Variants in WAC observed in about 807,000 individuals in gnomAD.
WAC encodes the protein WW domain-containing adapter protein with coiled-coil.
WAC carries 11 observed loss-of-function variants against 79.6 expected under a neutral mutation model. The ratio of observed to expected loss-of-function variants is 0.14; its 90% CI spans 0.09 to 0.23. The LOEUF (loss-of-function observed/expected upper bound fraction) is 0.23, where lower values mean the gene tolerates loss of function less well. Among genes scored for constraint, WAC ranks in the 10% least tolerant of loss-of-function variants. The probability of loss-of-function intolerance (pLI) is 1.00; values close to 1 mark genes in which losing one functional copy is unlikely to be tolerated. For synonymous variants in WAC, 304 were observed against 276.9 expected (o/e 1.10, Z -0.97); for missense variants, 728 against 773.5 (o/e 0.94, Z 0.70).
At chr10:28,594,129 C>G (rs888748902) in intron 6 of WAC, among the ~76,000 whole-genome samples, 1 of 152,170 alleles carries the variant, frequency 6.6e-6, no homozygotes, top group South Asian at 2.1e-4. Flanking sequence ...AAAGCTGTTA[C>G]AGCTATAGCG....
chr10:28,619,559 A>T lies in WAC; in HGVS notation c.1897A>T (p.Ile633Phe). The T allele has an allele frequency of 6.3e-7, 1 of 1,587,398 alleles. No individual in the cohort carries two copies. The highest frequency in any genetic ancestry group is 8.5e-7 in the Non-Finnish European group (1 of 1,173,076). Residue 633 changes from isoleucine (I) to phenylalanine (F), a missense_variant, in exon 14 of 14, where the codon ATT (isoleucine) becomes TTT (phenylalanine). By Grantham distance (21) the Ile-to-Phe change is conservative. Around this residue, in one of 3 missense-constraint regions of WAC, gnomAD observed 66 missense variants for 78.9 expected, o/e 0.84. Transcript: ENST00000354911. ...EQRILFLRQQIKELEKLKNQN... is the reference protein window; with the variant it reads ...EQRILFLRQQFKELEKLKNQN... The stretch of plus-strand genomic sequence containing the variant: ...CAGGATACTATTTTTGAGACAACAA[A>T]TTAAGGAACTTGAAAAGCTAAAAAA...
In WAC at chr10:28,610,841, A is replaced by C. The variant is rs772077840; in HGVS notation, c.1288+20A>C. The stretch of plus-strand genomic sequence containing the variant: ...CACAAGGTATTCTTACTCATCTTAG[A>C]TATCTCTAGAATGGCATCTTGATTT... On this transcript the variant is annotated intron_variant, in intron 9 of 13. Transcript: ENST00000354911. The C allele has an allele frequency of 6.3e-7, 1 of 1,580,460 alleles. No individual in the cohort carries two copies. The highest frequency in any genetic ancestry group is 1.2e-5 in the South Asian group (1 of 83,462).
chr10:28,563,392 T>C (rs867656470), intron 3 of WAC, among the ~76,000 whole-genome samples: 3 of 152,334 alleles, frequency 2.0e-5, no homozygotes, highest in Middle Eastern at 3.4e-3. Context: ...TTCTCTATTT[T>C]AGGAAATATT....
At chr10:28,584,282 TA>T (rs1289636852) in intron 4 of WAC, among the ~76,000 whole-genome samples, 1 of 152,092 alleles carries the variant, frequency 6.6e-6, no homozygotes, top group African/African-American at 2.4e-5. Context: ...ACTTGGGCAG[TA>T]AAAGAGCTCT....
chr10:28,579,285 T>G (rs549449298), intron 3 of WAC, among the ~76,000 whole-genome samples: 1 of 152,170 alleles, frequency 6.6e-6, no homozygotes, highest in East Asian at 1.9e-4. Flanking sequence ...TTTTGGATCA[T>G]TGTGTGACCC....
chr10:28,536,335 A>G (rs892937595), intron 3 of WAC, among the ~76,000 whole-genome samples: 1 of 152,178 alleles, frequency 6.6e-6, no homozygotes, highest in Non-Finnish European at 1.5e-5. Context: ...AAGGATGGGA[A>G]AAATGCAGGA....
At chr10:28,559,136 A>ATGGGTGTGTGTGTG (rs1838163554) in intron 3 of WAC, among the ~76,000 whole-genome samples, 1 of 146,660 alleles carries the variant, frequency 6.8e-6, no homozygotes, top group Admixed American at 6.8e-5. Context: ...GAGAAACCTG[A>ATGGGTGTGTGTGTG]TGTGTGTGTG....
rs554769267 is a variant in WAC, at chr10:28,575,244, C to G, written c.275-8155C>G. Among the ~76,000 whole-genome samples the G allele has an allele frequency of 3.5e-4, 53 of 152,286 alleles. No individual in the cohort carries two copies. In the East Asian group the frequency reaches 6.7e-3, roughly 19 times the overall value. On this transcript the variant is annotated intron_variant, in intron 3 of 13. Transcript: ENST00000354911. The stretch of plus-strand genomic sequence containing the variant: ...TAGTGCCCAACAGTTAGTTTTTCAA[C>G]CCTTATCTCCTCCTTTCCTCCCCTT...
chr10:28,592,179 A>T (rs1334855515), intron 6 of WAC, among the ~76,000 whole-genome samples: 1 of 152,224 alleles, frequency 6.6e-6, no homozygotes, highest in Admixed American at 6.5e-5. Context: ...TGGAAGAATT[A>T]GATTCTAGTC....
At chr10:28,605,255 A>G (rs574151211) in intron 7 of WAC, among the ~76,000 whole-genome samples, 1 of 152,254 alleles carries the variant, frequency 6.6e-6, no homozygotes, top group South Asian at 2.1e-4. Flanking sequence ...GGAACCTTGG[A>G]GGTTCTCCAG....
chr10:28,534,202 C>A (rs750380219), intron 2 of WAC, 168 bp downstream of exon 2: 1 of 582,172 alleles, frequency 1.7e-6, no homozygotes, highest in Non-Finnish European at 2.9e-6. Flanking sequence ...CTTTAGCGCT[C>A]TCCAGCAAGG....
chr10:28,605,546 T>C (rs1373934143), intron 7 of WAC, among the ~76,000 whole-genome samples: 1 of 152,186 alleles, frequency 6.6e-6, no homozygotes, highest in Non-Finnish European at 1.5e-5. Context: ...AATCAACTGG[T>C]TTCCACACTA....
chr10:28,607,500 T>C (rs928803943), intron 7 of WAC, among the ~76,000 whole-genome samples: 51 of 152,224 alleles, frequency 3.4e-4, no homozygotes, highest in African/African-American at 1.2e-3. Context: ...ATTTTATACA[T>C]CCTTTATTTC....
At chr10:28,579,308 A>G (rs1589189807) in intron 3 of WAC, among the ~76,000 whole-genome samples, 1 of 152,146 alleles carries the variant, frequency 6.6e-6, no homozygotes, top group East Asian at 1.9e-4. Flanking sequence ...TGTGTGACCC[A>G]ATGAAGCAAT....
intron 3 of WAC, among the ~76,000 whole-genome samples, chr10:28,576,546 T>G (rs1839254805): frequency 6.6e-6 from 1 of 152,238 alleles, no homozygotes; most frequent in Non-Finnish European, 1.5e-5. Flanking sequence ...AAACTAAAGT[T>G]GTATTGGTTC....
intron 3 of WAC, among the ~76,000 whole-genome samples, chr10:28,540,184 C>T (rs1836932615): frequency 6.6e-6 from 1 of 151,922 alleles, no homozygotes; most frequent in Non-Finnish European, 1.5e-5. Context: ...GCTTTTGATA[C>T]TCATGTTAAC....
chr10:28,538,564 G>A (rs1293990915), intron 3 of WAC, among the ~76,000 whole-genome samples: 4 of 141,988 alleles, frequency 2.8e-5, no homozygotes, highest in Non-Finnish European at 4.5e-5. Flanking sequence ...CCTGGGAGAC[G>A]GATTGAGACC....
chr10:28,600,895 A>G (rs184894523), intron 7 of WAC, among the ~76,000 whole-genome samples: 15 of 152,272 alleles, frequency 9.9e-5, no homozygotes, highest in South Asian at 6.2e-4. Context: ...GGACAATCCA[A>G]TGAACAGAAA....
At chr10:28,570,654 G>A (rs1838899830) in intron 3 of WAC, among the ~76,000 whole-genome samples, 1 of 152,174 alleles carries the variant, frequency 6.6e-6, no homozygotes, top group Non-Finnish European at 1.5e-5. Flanking sequence ...GGCATGTCAG[G>A]AAGATCCCTG....
Sources: allele counts gnomAD v4.1 joint callset (sites outside exome capture counted in the v4.1 genomes callset), GRCh38; gene constraint gnomAD v4.1.1; regional missense constraint gnomAD v4.1.1; transcripts MANE v1.5; gene names NCBI Gene and HGNC (gene_info 2026-07-23, HGNC 2026-07-21).